Variants in CTNNA2 observed in about 807,000 individuals in gnomAD.
The protein encoded by CTNNA2 is catenin alpha-2.
A neutral mutation model predicts 101.0 loss-of-function variants in CTNNA2; 42 were observed. The observed-to-expected ratio is 0.42, with a 90% CI of 0.32 to 0.54. The LOEUF (loss-of-function observed/expected upper bound fraction) is 0.54, where lower values mean the gene tolerates loss of function less well. CTNNA2 is among the 20% of genes least tolerant of loss of function. CTNNA2 has a pLI of 0.14. For synonymous variants in CTNNA2, 450 were observed against 456.4 expected, an observed-to-expected ratio of 0.99 and a Z score of 0.18; for missense variants, 871 against 1,223.1, an observed-to-expected ratio of 0.71 and a Z score of 4.29.
chr2:80,482,282 C>G (rs1277489019), intron 9 of CTNNA2, among the ~76,000 whole-genome samples: 1 of 152,074 alleles, frequency 6.6e-6, no homozygotes, highest in African/African-American at 2.4e-5. Context: ...CATGTAATCC[C>G]TCCAATAAGG....
At chr2:80,473,243 C>T (rs1444849064) in intron 9 of CTNNA2, among the ~76,000 whole-genome samples, 8 of 152,240 alleles carry the variant, frequency 5.3e-5, no homozygotes, top group Admixed American at 2.6e-4. Context: ...CAGATCATTC[C>T]AAGTGGAAGG....
At chr2:80,478,678 A>G (rs1230822072) in intron 9 of CTNNA2, among the ~76,000 whole-genome samples, 2 of 152,006 alleles carry the variant, frequency 1.3e-5, no homozygotes, top group African/African-American at 2.4e-5. Context: ...TTAAGGATCA[A>G]CTGATTGTAG....
intron 12 of CTNNA2, among the ~76,000 whole-genome samples, chr2:80,569,801 C>T (rs1423012117): frequency 2.0e-5 from 3 of 151,202 alleles, no homozygotes; most frequent in Non-Finnish European, 4.4e-5. Flanking sequence ...CGCCACCACA[C>T]CCAGCTAATT....
intron 9 of CTNNA2, among the ~76,000 whole-genome samples, chr2:80,506,447 G>T (rs1244854330): frequency 1.3e-5 from 2 of 152,126 alleles, no homozygotes; most frequent in African/African-American, 4.8e-5. Context: ...GTGAGAAAGG[G>T]AGTGTAAGGG....
intron 15 of CTNNA2, among the ~76,000 whole-genome samples, chr2:80,598,921 G>A (rs769557383): frequency 2.6e-5 from 4 of 152,078 alleles, no homozygotes; most frequent in Non-Finnish European, 4.4e-5. Context: ...GTAATAGTAC[G>A]GTTCTGTGTC....
chr2:79,731,941 A>G (rs574344038), intron 2 of CTNNA2, among the ~76,000 whole-genome samples: 4 of 151,996 alleles, frequency 2.6e-5, no homozygotes, highest in Non-Finnish European at 5.9e-5. Context: ...TTCTCCTAAA[A>G]TGACATTAAA....
intron 1 of CTNNA2, among the ~76,000 whole-genome samples, chr2:79,596,825 T>C (rs1164112503): frequency 1.3e-5 from 2 of 152,252 alleles, no homozygotes; most frequent in Non-Finnish European, 2.9e-5. Flanking sequence ...TAGTATCCTA[T>C]GCAGAAACCT....
At chr2:79,837,919 C>G (rs959256337) in intron 3 of CTNNA2, among the ~76,000 whole-genome samples, 2 of 151,966 alleles carry the variant, frequency 1.3e-5, no homozygotes, top group African/African-American at 2.4e-5. Flanking sequence ...GAAAATTACC[C>G]AGTTTAAACA....
intron 1 of CTNNA2, among the ~76,000 whole-genome samples, chr2:79,527,581 G>A (rs571788969): frequency 1.3e-5 from 2 of 151,704 alleles, no homozygotes; most frequent in South Asian, 2.1e-4. Flanking sequence ...GGAGGCGGAG[G>A]CTGCAGTGAG....
At chr2:79,637,792 G>T (rs1019206640) in intron 1 of CTNNA2, among the ~76,000 whole-genome samples, 11 of 152,170 alleles carry the variant, frequency 7.2e-5, no homozygotes, top group African/African-American at 2.4e-4. Context: ...TCAGGAAGTT[G>T]AATTTTATCT....
Position 80,071,710 on chromosome 2 carries a change from C to G in CTNNA2, c.1056+161913C>G, listed in dbSNP as rs552116177. On this transcript the variant is annotated intron_variant, in intron 7 of 18. Transcript: ENST00000402739. ...GAGGGGAGAGAGGACTGAGGGAGGA[C>G]AGAGTCTTTTCTAAAATGCTGTTCA... Among the ~76,000 whole-genome samples, 3 of 152,258 alleles carry G rather than the reference C, an allele frequency of 2.0e-5. No individual in the cohort carries two copies. The South Asian group carries it at 6.2e-4, about 32-fold the overall frequency.
intron 2 of CTNNA2, among the ~76,000 whole-genome samples, chr2:79,222,388 G>T (rs1000206509): frequency 6.6e-6 from 1 of 152,140 alleles, no homozygotes; most frequent in Non-Finnish European, 1.5e-5. Context: ...GTTCAGACAG[G>T]CGCTCTACCC....
intron 3 of CTNNA2, among the ~76,000 whole-genome samples, chr2:79,325,746 C>A (rs1676731821): frequency 6.6e-6 from 1 of 152,202 alleles, no homozygotes; most frequent in Non-Finnish European, 1.5e-5. Context: ...TCTTTCATTG[C>A]ACCTTGTTCT....
chr2:80,146,351 A>T (rs553652083), intron 7 of CTNNA2, among the ~76,000 whole-genome samples: 2 of 152,288 alleles, frequency 1.3e-5, no homozygotes, highest in South Asian at 4.1e-4. Flanking sequence ...GTTACTCATC[A>T]ATCGATTCAA....
chr2:80,424,161 G>A (rs539577254), intron 9 of CTNNA2, among the ~76,000 whole-genome samples: 4 of 152,150 alleles, frequency 2.6e-5, no homozygotes, highest in East Asian at 1.9e-4. Flanking sequence ...TCACTATGTT[G>A]GCCAGGCTGG....
chr2:79,724,543 C>T (rs191716905), intron 2 of CTNNA2, among the ~76,000 whole-genome samples: 14 of 152,044 alleles, frequency 9.2e-5, no homozygotes, highest in East Asian at 5.8e-4. Flanking sequence ...TGGGCTGGCG[C>T]GGTGGCTCAC....
At chr2:79,718,376 AAATT>A (rs1376573849) in intron 2 of CTNNA2, among the ~76,000 whole-genome samples, 1 of 152,188 alleles carries the variant, frequency 6.6e-6, no homozygotes, top group Non-Finnish European at 1.5e-5. Context: ...CACTATTAAT[AAATT>A]AATTATTGAT....
intron 1 of CTNNA2, among the ~76,000 whole-genome samples, chr2:79,567,933 A>G (rs1041621307): frequency 1.3e-5 from 2 of 152,190 alleles, no homozygotes; most frequent in African/African-American, 2.4e-5. Flanking sequence ...AGACTGGACT[A>G]TTTTTAGAGA....
intron 7 of CTNNA2, among the ~76,000 whole-genome samples, chr2:80,280,759 C>G (rs1674318030): frequency 6.6e-6 from 1 of 152,010 alleles, no homozygotes; most frequent in Non-Finnish European, 1.5e-5. Flanking sequence ...TTGCACTGTC[C>G]TGCTCAGTCC....
Sources: gnomAD v4.1 joint callset for allele counts (sites outside exome capture counted in the v4.1 genomes callset) on GRCh38, gnomAD v4.1.1 for gene constraint, MANE v1.5 for transcripts, NCBI Gene and HGNC (gene_info 2026-07-23, HGNC 2026-07-21) for gene names.